RAB3C: variants seen among roughly 807,000 people sequenced by gnomAD.
RAB3C encodes the protein RAB3C, member RAS oncogene family.
RAB3C carries 17 observed loss-of-function variants against 26.4 expected under a neutral mutation model. The observed-to-expected ratio is 0.64, with a 90% CI of 0.44 to 0.97. RAB3C has a LOEUF of 0.97. Among genes scored for constraint, RAB3C ranks in the 50% least tolerant of loss-of-function variants. The pLI, the probability that RAB3C is intolerant of heterozygous loss-of-function variation, is 0.00. For missense variants in RAB3C, 242 were observed against 281.9 expected (o/e 0.86, Z 1.01); for synonymous variants, 91 against 95.9 (o/e 0.95, Z 0.30).
chr5:58,741,295 A>C (rs1028933633), intron 3 of RAB3C, among the ~76,000 whole-genome samples: 12 of 152,204 alleles, frequency 7.9e-5, no homozygotes, highest in African/African-American at 2.7e-4. Context: ...TTCATTACAT[A>C]GGCATGACTG....
At position 58,642,962 on chromosome 5, in the gene RAB3C, A is replaced by G. The variant is rs115420289; in HGVS notation, c.252+25092A>G. Among the ~76,000 whole-genome samples, 426 of 152,326 alleles carry G rather than the reference A, an allele frequency of 2.8e-3. 1 individual carries two copies. The highest frequency in any genetic ancestry group is 9.5e-3 in the African/African-American group (394 of 41,592). ...TATAATAGGGATCTTAGAAGGTCAC[A>G]TGTGATGAATTGAAAGGTAGAAAAT... On this transcript the variant is annotated intron_variant, in intron 2 of 4. Transcript: ENST00000282878.
upstream of RAB3C, among the ~76,000 whole-genome samples, chr5:58,582,711 A>G (rs1190467692): frequency 3.9e-5 from 6 of 152,104 alleles, no homozygotes; most frequent in East Asian, 1.2e-3. Context: ...TTTGCATTGG[A>G]AATTAGCACA....
intron 2 of RAB3C, among the ~76,000 whole-genome samples, chr5:58,711,092 A>C (rs1489845464): frequency 1.3e-5 from 2 of 152,212 alleles, no homozygotes; most frequent in African/African-American, 4.8e-5. Flanking sequence ...AAAAGAATTT[A>C]ATTGCGTATT....
chr5:58,626,665 G>A (rs1051716862), intron 2 of RAB3C, among the ~76,000 whole-genome samples: 8 of 152,142 alleles, frequency 5.3e-5, no homozygotes, highest in Admixed American at 2.6e-4. Context: ...TAGTCTTATC[G>A]TAAAGATGAA....
intron 4 of RAB3C, among the ~76,000 whole-genome samples, chr5:58,828,901 C>CTTTTTTTTTTTTTTTTTTTTT (rs762653092): frequency 8.2e-6 from 1 of 122,446 alleles, no homozygotes. Context: ...TTTTACCATG[C>CTTTTTTTTTTTTTTTTTTTTT]TTTTTTTTTT....
intron 1 of RAB3C, among the ~76,000 whole-genome samples, chr5:58,612,800 T>C (rs1746743832): frequency 1.3e-5 from 2 of 151,894 alleles, no homozygotes; most frequent in African/African-American, 2.4e-5. Context: ...GTCTTCCTAT[T>C]TGGATGCCTT....
intron 4 of RAB3C, 40 bp downstream of exon 4, chr5:58,825,202 G>T: frequency 1.0e-5 from 16 of 1,584,546 alleles, no homozygotes; most frequent in Non-Finnish European, 1.3e-5. Flanking sequence ...AAGATAATTT[G>T]CTTATTATAT....
chr5:58,599,541 C>T (rs1449277694), intron 1 of RAB3C, among the ~76,000 whole-genome samples: 4 of 152,104 alleles, frequency 2.6e-5, no homozygotes, highest in African/African-American at 9.7e-5. Flanking sequence ...CTGCTGCTGC[C>T]AAGACTCAGT....
At position 58,836,395 on chromosome 5, in the gene RAB3C, T is replaced by G. The variant is rs114675322; in HGVS notation, c.496+11233T>G. Among the ~76,000 whole-genome samples, 1,225 of 152,286 alleles carry G rather than the reference T, an allele frequency of 8.0e-3. 24 individuals carry two copies. The highest frequency in any genetic ancestry group is 0.028 in the African/African-American group (1,184 of 41,560). On this transcript the variant is annotated intron_variant, in intron 4 of 4. Coordinates refer to ENST00000282878, the MANE Select transcript of RAB3C (RefSeq NM_138453.4). ...ATTTCTGTGTTGGGAACGTTCAGTA[T>G]TCTCCTTCTCGCTATTTGAAACTAT... is the stretch of plus-strand genomic sequence containing the variant.
At chr5:58,692,419 C>A (rs988350441) in intron 2 of RAB3C, among the ~76,000 whole-genome samples, 4 of 151,660 alleles carry the variant, frequency 2.6e-5, no homozygotes, top group Non-Finnish European at 5.9e-5. Flanking sequence ...GTAATGATAT[C>A]TTTTGCCAGT....
rs547200639 is a variant in RAB3C at position 58,693,021 on chromosome 5, C to T, written c.253-32981C>T. Reference sequence around the variant, plus strand: ...ACTCAGGAGGCTGAGGCAGGAGAATCGCTTGAACCCAGGAGGCAGAGGTTG... The same window carrying T: ...ACTCAGGAGGCTGAGGCAGGAGAATTGCTTGAACCCAGGAGGCAGAGGTTG... On this transcript the variant is annotated intron_variant, in intron 2 of 4. Transcript: ENST00000282878. 2.0e-4 allele frequency among the ~76,000 whole-genome samples: 31 copies of T among 151,766 alleles called. No homozygotes were observed. In the East Asian group the frequency reaches 3.1e-3, roughly 15 times the overall value.
chr5:58,703,312 A>G (rs1043054580), intron 2 of RAB3C, among the ~76,000 whole-genome samples: 2 of 152,056 alleles, frequency 1.3e-5, no homozygotes, highest in South Asian at 2.1e-4. Flanking sequence ...CCTCGCAAGT[A>G]GCTGGGATTA....
chr5:58,738,216 G>T (rs1252559583), intron 3 of RAB3C, among the ~76,000 whole-genome samples: 1 of 151,882 alleles, frequency 6.6e-6, no homozygotes, highest in African/African-American at 2.4e-5. Context: ...CTTGGTTCTG[G>T]CTTGTCTCAA....
chr5:58,628,258 A>G (rs1242498759), intron 2 of RAB3C, among the ~76,000 whole-genome samples: 2 of 151,878 alleles, frequency 1.3e-5, no homozygotes, highest in Non-Finnish European at 2.9e-5. Context: ...AAAAGAGTTG[A>G]AGTAGGTAAA....
chr5:58,701,320 A>G (rs1224482369), intron 2 of RAB3C, among the ~76,000 whole-genome samples: 1 of 152,116 alleles, frequency 6.6e-6, no homozygotes, highest in Non-Finnish European at 1.5e-5. Context: ...TTTTAATCAC[A>G]TTCTAAATTC....
intron 2 of RAB3C, among the ~76,000 whole-genome samples, chr5:58,706,682 T>C (rs1326061951): frequency 6.6e-6 from 1 of 152,172 alleles, no homozygotes; most frequent in Admixed American, 6.5e-5. Context: ...GTTCTTGTGG[T>C]TGTGTAATCT....
rs1325212744 is a variant in RAB3C, at chr5:58,627,515, A to AAAAAAAAAAAC, written c.252+9649_252+9650insAAAAAACAAAA. Among the ~76,000 whole-genome samples, 59 of 60,574 alleles carry AAAAAAAAAAAC rather than the reference A, an allele frequency of 9.7e-4. 10 individuals are homozygous for AAAAAAAAAAAC. Among genetic ancestry groups the AAAAAAAAAAAC allele is most frequent in the Non-Finnish European group, 1.5e-3 (44 of 30,328 alleles). The allele number at this position is 60,574 out of a possible 152,430, so 39.7% of individuals were successfully genotyped here. A position where few individuals can be genotyped will look rare whatever the true frequency, so the allele number is the denominator to read the frequency against. The stretch of plus-strand genomic sequence containing the variant: ...AAAAAAAAAAAAAAAAAAAAAAAAA[A>AAAAAAAAAAAC]AAAACACAGCTTAAATTCGGTGCAA... On this transcript the variant is annotated intron_variant, in intron 2 of 4. Transcript: ENST00000282878.
At chr5:58,731,034 G>GA (rs958134620) in intron 3 of RAB3C, among the ~76,000 whole-genome samples, 3 of 151,938 alleles carry the variant, frequency 2.0e-5, no homozygotes, top group South Asian at 2.1e-4. Flanking sequence ...AACAACATGG[G>GA]AAAAAAACCC....
chr5:58,610,485 A>G (rs1746675650), intron 1 of RAB3C, among the ~76,000 whole-genome samples: 2 of 151,750 alleles, frequency 1.3e-5, no homozygotes, highest in Admixed American at 1.3e-4. Flanking sequence ...CTTAATTTAC[A>G]TTTTCTAATA....
Sources: gnomAD v4.1 joint callset for allele counts (sites outside exome capture counted in the v4.1 genomes callset) on GRCh38, gnomAD v4.1.1 for gene constraint, MANE v1.5 for transcripts, NCBI Gene and HGNC (gene_info 2026-07-23, HGNC 2026-07-21) for gene names.